The following TMX3 variants were observed in gnomAD, a reference collection of about 807,000 sequenced individuals.
The protein encoded by TMX3 is thioredoxin related transmembrane protein 3.
A neutral mutation model predicts 64.4 loss-of-function variants in TMX3; 40 were observed. The ratio of observed to expected loss-of-function variants is 0.62; its 90% confidence interval spans 0.48 to 0.81. The LOEUF (loss-of-function observed/expected upper bound fraction) is 0.81. Among genes scored for constraint, TMX3 ranks in the 30% least tolerant of loss-of-function variants. The pLI is 0.00. For missense variants in TMX3, 497 were observed against 534.5 expected (o/e 0.93, Z 0.69); for synonymous variants, 189 against 175.7 (o/e 1.08, Z -0.60).
In TMX3 at chr18:68,677,208, T is replaced by C. The variant is rs1341301227; in HGVS notation, c.1105-15A>G. On this transcript the variant is annotated splice_polypyrimidine_tract_variant and intron_variant, in intron 15 of 15. Transcript: ENST00000299608. Reference sequence around the variant, plus strand: ...TTGAATATAGACTGTGGAAAGAGAATTAAAACTCAGTTCCCTTCACATGTA... The same window carrying C: ...TTGAATATAGACTGTGGAAAGAGAACTAAAACTCAGTTCCCTTCACATGTA... The C allele has an allele frequency of 1.9e-6, 3 of 1,606,994 alleles. No individual in the cohort carries two copies. The highest frequency in any genetic ancestry group is 2.5e-6 in the Non-Finnish European group (3 of 1,176,860).
At chr18:68,699,720 T>C (rs1036367337) in intron 6 of TMX3, among the ~76,000 whole-genome samples, 2 of 152,148 alleles carry the variant, frequency 1.3e-5, no homozygotes. Context: ...GAAATAATTA[T>C]AAGCACCGAC....
At chr18:68,693,937 C>A (rs1914794639) in intron 8 of TMX3, among the ~76,000 whole-genome samples, 1 of 152,096 alleles carries the variant, frequency 6.6e-6, no homozygotes, top group South Asian at 2.1e-4. Flanking sequence ...CGATTCTGAG[C>A]ACGTAAAAAC....
intron 10 of TMX3, chr18:68,686,636 G>C: frequency 1.5e-6 from 1 of 648,838 alleles, no homozygotes; most frequent in Non-Finnish European, 1.9e-6. Flanking sequence ...GAACCAGGGA[G>C]GTGGAGGTTG....
chr18:68,687,563 A>G (rs1914084648), intron 10 of TMX3, 104 bp downstream of exon 10: 1 of 1,499,978 alleles, frequency 6.7e-7, no homozygotes, highest in East Asian at 2.5e-5. Context: ...ATAAAAAATT[A>G]AGTTGAGAAA....
In TMX3 at chr18:68,687,538, G is replaced by A. The variant is rs191610649; in HGVS notation, c.736+129C>T. On this transcript the variant is annotated intron_variant, in intron 10 of 15. Transcript: ENST00000299608. ...CAGTTTACATTCTCGTAAAGAACTGGCATTCAGATCTAAAATAAAAAATTA... is the reference window on the plus strand; with the variant it reads ...CAGTTTACATTCTCGTAAAGAACTGACATTCAGATCTAAAATAAAAAATTA... 18 of 1,443,472 alleles carry A rather than the reference G, an allele frequency of 1.2e-5. No homozygotes were observed. The East Asian group carries it at 4.8e-4, about 38-fold the overall frequency. The allele number at this position is 1,443,472 out of a possible 1,614,324, so 89.4% of individuals were successfully genotyped here.
chr18:68,677,991 G>A (rs1913084229), intron 15 of TMX3, among the ~76,000 whole-genome samples: 1 of 152,100 alleles, frequency 6.6e-6, no homozygotes, highest in Non-Finnish European at 1.5e-5. Flanking sequence ...GATGGACAGA[G>A]TATTCTGATG....
rs1456311216 is a variant in TMX3 at position 68,679,361 on chromosome 18, C to T, written c.1104+102G>A. 21 of 833,594 alleles carry T rather than the reference C, an allele frequency of 2.5e-5. No individual in the cohort carries two copies. In the East Asian group the frequency reaches 4.4e-4, roughly 17 times the overall value. The allele number at this position is 833,594 out of a possible 1,614,324, so 51.6% of individuals were successfully genotyped here. A position where few individuals can be genotyped will look rare whatever the true frequency, so the allele number is the denominator to read the frequency against. On this transcript the variant is annotated intron_variant, in intron 15 of 15. Transcript: ENST00000299608. ...AGTCATATCCTGCAAATTAAAAAGA[C>T]ATATTTTGACCTAATCTTTTCAAAT...
At chr18:68,697,640 C>A in intron 7 of TMX3, 1 of 386,434 alleles carries the variant, frequency 2.6e-6, no homozygotes, top group Non-Finnish European at 4.6e-6. Context: ...TCTGCAGTCT[C>A]AAAGACTCAG....
intron 8 of TMX3, among the ~76,000 whole-genome samples, chr18:68,692,834 C>A (rs1344915368): frequency 6.6e-6 from 1 of 152,152 alleles, no homozygotes; most frequent in African/African-American, 2.4e-5. Context: ...GTAACAGATG[C>A]TACATATATG....
intron 2 of TMX3, among the ~76,000 whole-genome samples, chr18:68,712,037 T>C (rs1347154468): frequency 6.6e-6 from 1 of 152,160 alleles, no homozygotes; most frequent in Non-Finnish European, 1.5e-5. Flanking sequence ...GCCCATTGTT[T>C]CACCCATAAT....
chr18:68,713,946 G>A, intron 1 of TMX3, 46 bp from the exon 2 acceptor site: 1 of 1,374,190 alleles, frequency 7.3e-7, no homozygotes, highest in Non-Finnish European at 1.0e-6. Flanking sequence ...TGATTATTTG[G>A]CTCATACCGT....
chr18:68,694,116 G>C (rs1914815539), intron 8 of TMX3, among the ~76,000 whole-genome samples: 1 of 152,086 alleles, frequency 6.6e-6, no homozygotes, highest in South Asian at 2.1e-4. Context: ...ACAAGAACTT[G>C]GGACCCACTG....
At chr18:68,692,950 A>G (rs978349053) in intron 8 of TMX3, among the ~76,000 whole-genome samples, 1 of 152,170 alleles carries the variant, frequency 6.6e-6, no homozygotes, top group Non-Finnish European at 1.5e-5. Context: ...AACACAGCAA[A>G]CCCTCTGGTG....
chr18:68,708,025 GTGTATATGTGTATATATGTGTA>G (rs1442673736), intron 4 of TMX3, among the ~76,000 whole-genome samples: 3 of 136,290 alleles, frequency 2.2e-5, no homozygotes, highest in African/African-American at 1.1e-4. Context: ...GTGTATATAT[GTGTATATGTGTATATATGTGTA>G]TATATATGTG....
intron 2 of TMX3, among the ~76,000 whole-genome samples, chr18:68,713,198 T>C (rs962893019): frequency 2.0e-5 from 3 of 152,118 alleles, no homozygotes; most frequent in African/African-American, 7.2e-5. Context: ...GTGCCTCCGC[T>C]GACACCCTCA....
intron 8 of TMX3, chr18:68,696,944 T>C (rs886975781): frequency 1.1e-5 from 3 of 264,062 alleles, no homozygotes; most frequent in Non-Finnish European, 2.2e-5. Flanking sequence ...AATTTAGGAG[T>C]TTGAGGTATC....
In TMX3 at chr18:68,676,694, T is replaced by G. The variant is rs1332494102; in HGVS notation, c.*239A>C. On this transcript the variant is annotated 3_prime_UTR_variant, in exon 16 of 16. Coordinates refer to ENST00000299608, the MANE Select transcript of TMX3 (RefSeq NM_019022.5). Reference sequence around the variant, plus strand: ...TGCAAATAGAATTGTTCTGTTCTAATCACAAAGATCAGGTAAATTTTGATG... The same window carrying G: ...TGCAAATAGAATTGTTCTGTTCTAAGCACAAAGATCAGGTAAATTTTGATG... 2 of 526,070 alleles carry G rather than the reference T, an allele frequency of 3.8e-6. No individual in the cohort carries two copies. Among genetic ancestry groups the G allele is most frequent in the Non-Finnish European group, 6.7e-6 (2 of 297,764 alleles). 32.6% of individuals were successfully genotyped at this position (526,070 alleles called of 1,614,324 possible).
chr18:68,708,424 T>C (rs2030939637), intron 4 of TMX3, among the ~76,000 whole-genome samples: 1 of 152,082 alleles, frequency 6.6e-6, no homozygotes, highest in Admixed American at 6.5e-5. Flanking sequence ...GGTAGCATAG[T>C]TCAGCAACTA....
intron 8 of TMX3, among the ~76,000 whole-genome samples, chr18:68,694,814 C>T (rs1345145126): frequency 6.6e-6 from 1 of 152,144 alleles, no homozygotes; most frequent in Non-Finnish European, 1.5e-5. Context: ...ATAAGATAAA[C>T]ATCTACATAC....
Sources: allele counts gnomAD v4.1 joint callset (sites outside exome capture counted in the v4.1 genomes callset), GRCh38; gene constraint gnomAD v4.1.1; transcripts MANE v1.5; gene names NCBI Gene and HGNC (gene_info 2026-07-23, HGNC 2026-07-21).